PPP3CB: variants seen among roughly 807,000 people sequenced by gnomAD.
PPP3CB encodes the protein serine/threonine-protein phosphatase 2B catalytic subunit beta isoform.
Under a neutral mutation model 66.4 loss-of-function variants are expected in PPP3CB, and 8 were observed. The observed-to-expected ratio is 0.12, with a 90% CI of 0.07 to 0.22. The LOEUF (loss-of-function observed/expected upper bound fraction) is 0.22, where lower values mean the gene tolerates loss of function less well. Ranked by LOEUF, PPP3CB falls within the 10% of genes least tolerant of loss-of-function variation. The pLI is 1.00. For synonymous variants in PPP3CB, 208 were observed against 221.2 expected (o/e 0.94, Z 0.53); for missense variants, 319 against 642.5 (o/e 0.50, Z 5.44).
rs962849922 is a variant in PPP3CB at position 73,490,865 on chromosome 10, GCT to G, written c.85+4938_85+4939del. Among the ~76,000 whole-genome samples, 79 of 151,570 alleles carry G rather than the reference GCT, an allele frequency of 5.2e-4. 1 individual carries two copies. The highest frequency in any genetic ancestry group is 1.7e-3 in the African/African-American group (70 of 41,312). ...TTTTATTTATTTGAGACGGAATATCGCTCTGTCACCCAGGCAGGGTGCAGTGG... is the reference window on the plus strand; with the variant it reads ...TTTTATTTATTTGAGACGGAATATCGCTGTCACCCAGGCAGGGTGCAGTGG... On this transcript the variant is annotated intron_variant, in intron 1 of 13. Coordinates refer to ENST00000360663, the MANE Select transcript of PPP3CB (RefSeq NM_021132.4).
rs537169007 is a variant in PPP3CB, at chr10:73,476,877, G to A, written c.411+1622C>T. The stretch of plus-strand genomic sequence containing the variant: ...AATAGCAAAATTCCTAAGGGAAGCA[G>A]GACAGACAGAGTCTAGAACTTCCTT... On this transcript the variant is annotated intron_variant, in intron 3 of 13. Transcript: ENST00000360663. Among the ~76,000 whole-genome samples, 88 of 152,120 alleles carry A rather than the reference G, an allele frequency of 5.8e-4. 2 individuals carry two copies. Among genetic ancestry groups the A allele is most frequent in the Non-Finnish European group, 1.2e-3 (80 of 68,006 alleles).
At chr10:73,450,593 C>A (rs76166331) in intron 10 of PPP3CB, among the ~76,000 whole-genome samples, 7,529 of 152,164 alleles carry the variant, frequency 0.049, 566 homozygotes, top group African/African-American at 0.16. Flanking sequence ...AGAGTGAAAA[C>A]AATGAAGAGT....
intron 1 of PPP3CB, among the ~76,000 whole-genome samples, chr10:73,491,609 G>A (rs1251231582): frequency 2.6e-5 from 4 of 152,178 alleles, no homozygotes; most frequent in Non-Finnish European, 5.9e-5. Flanking sequence ...AAAATATAAT[G>A]AAATAGAACT....
At chr10:73,455,047 ATT>A (rs367544796) in intron 9 of PPP3CB, among the ~76,000 whole-genome samples, 1 of 141,156 alleles carries the variant, frequency 7.1e-6, no homozygotes, top group African/African-American at 2.6e-5. Context: ...TAATTTTTGT[ATT>A]TTTTTTTTTT....
intron 8 of PPP3CB, 147 bp from the exon 9 acceptor site, chr10:73,467,825 G>T: frequency 3.2e-6 from 2 of 632,810 alleles, no homozygotes; most frequent in South Asian, 2.5e-5. Flanking sequence ...GAGGGAGGAA[G>T]GAACTAATTT....
intron 1 of PPP3CB, among the ~76,000 whole-genome samples, chr10:73,481,090 A>G (rs919228892): frequency 6.6e-6 from 1 of 152,028 alleles, no homozygotes; most frequent in African/African-American, 2.4e-5. Flanking sequence ...AGAAAGTGAG[A>G]GAGAAATGTA....
intron 1 of PPP3CB, among the ~76,000 whole-genome samples, chr10:73,481,375 C>T (rs1014432000): frequency 1.0e-4 from 15 of 150,694 alleles, no homozygotes; most frequent in South Asian, 6.2e-4. Flanking sequence ...AAGAGGGTGA[C>T]GCAGGAGAAT....
intron 9 of PPP3CB, among the ~76,000 whole-genome samples, chr10:73,459,612 A>G (rs1198029964): frequency 6.6e-6 from 1 of 152,256 alleles, no homozygotes; most frequent in Non-Finnish European, 1.5e-5. Context: ...ATATCCATAC[A>G]ATAGACTACT....
chr10:73,495,854 G>C lies in PPP3CB; in HGVS notation c.36C>G (p.Pro12=). The C allele has an allele frequency of 2.7e-6, 4 of 1,463,004 alleles. No individual in the cohort carries two copies. Among genetic ancestry groups the C allele is most frequent in the Non-Finnish European group, 3.6e-6 (4 of 1,105,614 alleles). The allele number at this position is 1,463,004 out of a possible 1,614,324, so 90.6% of individuals were successfully genotyped here. ...AAPEPARAAP[P]PPPPPPPPPG... is the part of the protein sequence containing the mutation. ...GAGGGGGCGGCGGGGGCGGGGGTGGGGGCGGTGCAGCCCGGGCCGGCTCCG... is the reference window on the plus strand; with the variant it reads ...GAGGGGGCGGCGGGGGCGGGGGTGGCGGCGGTGCAGCCCGGGCCGGCTCCG... The change falls in exon 1 of 14, where the codon CCC becomes CCG. Residue 12 remains proline, a synonymous_variant. Coordinates refer to ENST00000360663, the MANE Select transcript of PPP3CB (RefSeq NM_021132.4).
chr10:73,486,780 CACT>C (rs1328001498), intron 1 of PPP3CB, among the ~76,000 whole-genome samples: 1 of 152,230 alleles, frequency 6.6e-6, no homozygotes, highest in African/African-American at 2.4e-5. Context: ...TCCGCATTAG[CACT>C]TCCAACATCA....
rs750704412 is a variant in PPP3CB at position 73,471,588 on chromosome 10, G to A, written c.549C>T (p.Val183=). Residue 183 remains valine (V), a synonymous_variant, in exon 5 of 14, where the codon GTC becomes GTT. Coordinates refer to ENST00000360663, the MANE Select transcript of PPP3CB (RefSeq NM_021132.4). ...QECKIKYSER[V]YEACMEAFDS... The stretch of plus-strand genomic sequence containing the variant: ...CAAAAGCTTCCATACAAGCTTCATA[G>A]ACTCTTTCCGAATACTTAATTTTAC... 1 of 1,600,422 alleles carries A rather than the reference G, an allele frequency of 6.2e-7. No homozygotes were observed. The highest frequency in any genetic ancestry group is 1.1e-5 in the South Asian group (1 of 87,698).
chr10:73,478,794 T>C (rs2056829584), intron 2 of PPP3CB, among the ~76,000 whole-genome samples, 171 bp from the exon 3 acceptor site: 1 of 152,254 alleles, frequency 6.6e-6, no homozygotes, highest in Non-Finnish European at 1.5e-5. Flanking sequence ...CAAGTGTTCA[T>C]GTGCTCAAGA....
intron 9 of PPP3CB, among the ~76,000 whole-genome samples, chr10:73,462,463 G>A (rs1025061169): frequency 6.6e-6 from 1 of 152,044 alleles, no homozygotes; most frequent in African/African-American, 2.4e-5. Flanking sequence ...TCAAGGGGTG[G>A]TGCCAATTCA....
intron 1 of PPP3CB, among the ~76,000 whole-genome samples, chr10:73,491,022 G>GGTT (rs2057065998): frequency 2.4e-5 from 1 of 40,896 alleles, no homozygotes; most frequent in Non-Finnish European, 5.3e-5. Context: ...TGTTTTTATT[G>GGTT]TTTTTTTTTT....
chr10:73,486,032 G>A (rs1030538859), intron 1 of PPP3CB, among the ~76,000 whole-genome samples: 1 of 150,318 alleles, frequency 6.7e-6, no homozygotes, highest in African/African-American at 2.4e-5. Flanking sequence ...TGCAACCTCT[G>A]CCTCCCAGGT....
intron 9 of PPP3CB, among the ~76,000 whole-genome samples, chr10:73,464,596 G>A (rs999038383): frequency 6.6e-6 from 1 of 152,054 alleles, no homozygotes; most frequent in Non-Finnish European, 1.5e-5. Flanking sequence ...TGAAGCAAAA[G>A]TCCATAACTT....
intron 3 of PPP3CB, among the ~76,000 whole-genome samples, chr10:73,476,640 GTC>G (rs1264620570): frequency 6.7e-6 from 1 of 149,636 alleles, no homozygotes; most frequent in African/African-American, 2.5e-5. Flanking sequence ...AAAAAAAAGA[GTC>G]AGCTGCAAAA....
At chr10:73,445,676 G>A (rs1011401798) in intron 11 of PPP3CB, among the ~76,000 whole-genome samples, 6 of 151,312 alleles carry the variant, frequency 4.0e-5, no homozygotes, top group Admixed American at 3.3e-4. Context: ...CTTGAACTCC[G>A]CCCGCTTTGG....
intron 2 of PPP3CB, among the ~76,000 whole-genome samples, chr10:73,478,991 T>C (rs2056833383): frequency 6.6e-6 from 1 of 152,240 alleles, no homozygotes. Context: ...AATGGTCACT[T>C]TTGGTATCTG....
Sources: gnomAD v4.1 joint callset for allele counts (sites outside exome capture counted in the v4.1 genomes callset) on GRCh38, gnomAD v4.1.1 for gene constraint, MANE v1.5 for transcripts, NCBI Gene and HGNC (gene_info 2026-07-23, HGNC 2026-07-21) for gene names.